The following FMNL3 variants were observed in gnomAD, a reference collection of about 807,000 sequenced individuals.
FMNL3 encodes the protein formin-like protein 3.
In FMNL3, 57 loss-of-function variants were observed where a neutral mutation model predicts 119.6. The observed-to-expected ratio is 0.48, with a 90% CI of 0.39 to 0.59. The LOEUF is 0.59. Among genes scored for constraint, FMNL3 ranks in the 20% least tolerant of loss-of-function variants. The pLI is 0.00. For missense variants in FMNL3, 1,053 were observed against 1,323.5 expected (o/e 0.80, Z 3.17); for synonymous variants, 491 against 507.3 (o/e 0.97, Z 0.43).
Position 49,643,560 on chromosome 12 carries a change from AG to A in FMNL3, c.*2254del. 1 of 1,362,542 alleles carries A rather than the reference AG, an allele frequency of 7.3e-7. No homozygotes were observed. The highest frequency in any genetic ancestry group is 9.9e-7 in the Non-Finnish European group (1 of 1,008,560). 84.4% of individuals were successfully genotyped at this position (1,362,542 alleles called of 1,614,324 possible). On this transcript the variant is annotated 3_prime_UTR_variant, in exon 26 of 26. Transcript: ENST00000335154. ...ACCTGCCCAAGCAAGAAGCTGGAGA[AG>A]GAAAACTGGACTTAGACTTCCTCAG...
At chr12:49,704,710 C>CAAAAAAAAAAAAAAAAA (rs59799899) in intron 1 of FMNL3, among the ~76,000 whole-genome samples, 3 of 37,848 alleles carry the variant, frequency 7.9e-5, no homozygotes, top group Non-Finnish European at 1.5e-4. Context: ...AACTCCATCT[C>CAAAAAAAAAAAAAAAAA]AAAAAAAAAA....
In FMNL3 at chr12:49,643,600, T is replaced by C. The variant is rs1942957866; in HGVS notation, c.*2215A>G. 1 of 1,446,860 alleles carries C rather than the reference T, an allele frequency of 6.9e-7. No homozygotes were observed. Among genetic ancestry groups the C allele is most frequent in the Non-Finnish European group, 9.4e-7 (1 of 1,065,728 alleles). The allele number at this position is 1,446,860 out of a possible 1,614,324, so 89.6% of individuals were successfully genotyped here. On this transcript the variant is annotated 3_prime_UTR_variant, in exon 26 of 26. Transcript: ENST00000335154. ...AGACTTCCTCAGAGCATGAGGTTCCTGCCTGTGAAGAATGAACAGAGGGGC... is the reference window on the plus strand; with the variant it reads ...AGACTTCCTCAGAGCATGAGGTTCCCGCCTGTGAAGAATGAACAGAGGGGC...
At chr12:49,671,300 A>G (rs139935828) in intron 1 of FMNL3, among the ~76,000 whole-genome samples, 107 of 152,392 alleles carry the variant, frequency 7.0e-4, no homozygotes, top group Non-Finnish European at 1.1e-3. Flanking sequence ...GATCCCCAGG[A>G]AGGAATGATC....
intron 1 of FMNL3, 38 bp downstream of exon 1, chr12:49,707,017 G>A: frequency 6.4e-7 from 1 of 1,552,740 alleles, no homozygotes; most frequent in Non-Finnish European, 8.7e-7. Context: ...GGACCTGAGG[G>A]GCGGTACGCG....
At chr12:49,686,626 C>A (rs1944470780) in intron 1 of FMNL3, among the ~76,000 whole-genome samples, 1 of 149,952 alleles carries the variant, frequency 6.7e-6, no homozygotes, top group South Asian at 2.1e-4. Flanking sequence ...ATGTCAGTCA[C>A]TGAGCCCCAA....
chr12:49,704,710 C>CAAAA (rs59799899), intron 1 of FMNL3, among the ~76,000 whole-genome samples: 2 of 37,778 alleles, frequency 5.3e-5, no homozygotes, highest in Non-Finnish European at 1.5e-4. Flanking sequence ...AACTCCATCT[C>CAAAA]AAAAAAAAAA....
Position 49,647,292 on chromosome 12 carries a change from T to C in FMNL3, c.2855A>G (p.Lys952Arg), listed in dbSNP as rs750236983. The change falls in exon 24 of 26, where the codon AAG becomes AGG. Residue 952 changes from lysine (K) to arginine (R), a missense_variant. Around this residue, in one of 4 missense-constraint regions of FMNL3, gnomAD observed 324 missense variants for 380.9 expected, o/e 0.85. Transcript: ENST00000335154. This position sits in a 1 kb window ranked among gnomAD's most constrained non-coding sequence, Gnocchi z 4.9. The stretch of plus-strand genomic sequence containing the variant: ...CCCACCCACCTTGGCATCCAGTTTC[T>C]TGGCTTCCTGAGCCAGCTGCTTCTC... The part of the protein sequence containing the change: ...MREKQLAQEA[K>R]KLDAKTPSQR... 13 of 1,613,954 alleles carry C rather than the reference T, an allele frequency of 8.1e-6. No individual in the cohort carries two copies. Among genetic ancestry groups the C allele is most frequent in the South Asian group, 2.2e-5 (2 of 91,086 alleles).
At position 49,640,209 on chromosome 12, in the gene FMNL3, C is replaced by G. The variant is rs143202963; in HGVS notation, c.*5606G>C. On this transcript the variant is annotated 3_prime_UTR_variant, in exon 26 of 26. Transcript: ENST00000335154. The stretch of plus-strand genomic sequence containing the variant: ...TGGACTTAGAACAGGCAGACAGATC[C>G]GGGTCAGGGAGATCCATGGAGGATG... 1.3e-5 allele frequency: 2 copies of G among 152,128 alleles called. No homozygotes were observed. The highest frequency in any genetic ancestry group is 4.2e-4 in the South Asian group (2 of 4,818). The allele number at this position is 152,128 out of a possible 1,614,324, so 9.4% of individuals were successfully genotyped here.
intron 1 of FMNL3, among the ~76,000 whole-genome samples, chr12:49,705,101 A>G (rs944339899): frequency 6.6e-6 from 1 of 152,182 alleles, no homozygotes; most frequent in African/African-American, 2.4e-5. Flanking sequence ...ATTTCCCTGT[A>G]TTGGAAAACT....
At chr12:49,665,755 C>T (rs1943873166) in intron 4 of FMNL3, 77 bp downstream of exon 4, 2 of 1,443,608 alleles carry the variant, frequency 1.4e-6, no homozygotes, top group Non-Finnish European at 9.8e-7. Flanking sequence ...ACACCATCCT[C>T]AGAGGACACC....
rs1478535631 is a variant in FMNL3, at chr12:49,649,444, C to A, written c.2304+26G>T. On this transcript the variant is annotated intron_variant, in intron 19 of 25. Transcript: ENST00000335154. This position sits in a 1 kb window ranked among gnomAD's most constrained non-coding sequence, Gnocchi z 5.6. ...CCACCTAGGACCTGAAAACCCCCAGCACCCCTGTTCACAACCTCTTCCCAC... is the reference window on the plus strand; with the variant it reads ...CCACCTAGGACCTGAAAACCCCCAGAACCCCTGTTCACAACCTCTTCCCAC... The A allele has an allele frequency of 1.2e-6, 2 of 1,613,858 alleles. No individual in the cohort carries two copies. The highest frequency in any genetic ancestry group is 1.3e-5 in the African/African-American group (1 of 74,936).
chr12:49,664,518 T>A (rs1943832411), intron 4 of FMNL3, among the ~76,000 whole-genome samples: 1 of 152,136 alleles, frequency 6.6e-6, no homozygotes, highest in Non-Finnish European at 1.5e-5. Flanking sequence ...AGGGTTGCCA[T>A]CGGTGTCCTT....
At chr12:49,672,263 C>T (rs756162710) in intron 1 of FMNL3, among the ~76,000 whole-genome samples, 3 of 151,836 alleles carry the variant, frequency 2.0e-5, no homozygotes, top group African/African-American at 4.8e-5. Context: ...TAAGACTAGG[C>T]GCCAATTTTG....
Position 49,656,497 on chromosome 12 carries a change from C to A in FMNL3, c.792G>T (p.Arg264Ser). The A allele has an allele frequency of 1.2e-5, 19 of 1,613,230 alleles. No homozygotes were observed. Among genetic ancestry groups the A allele is most frequent in the Non-Finnish European group, 1.6e-5 (19 of 1,179,650 alleles). ...IALSLNNKNP[R>S]TKALVLELLA... ...GAAGCTCTAAGACAAGGGCTTTGGTCCTAAGGGGTGAAGAAGGAAGATTAA... is the reference window on the plus strand; with the variant it reads ...GAAGCTCTAAGACAAGGGCTTTGGTACTAAGGGGTGAAGAAGGAAGATTAA... The change falls in exon 9 of 26, where the codon AGG (arginine) becomes AGT (serine). Residue 264 changes from arginine to serine, a missense_variant and splice_region_variant. By Grantham distance (110) the Arg-to-Ser change is moderately radical. Around this residue, in one of 4 missense-constraint regions of FMNL3, gnomAD observed 445 missense variants for 628.4 expected, o/e 0.71. Transcript: ENST00000335154.
chr12:49,656,707 A>G lies in FMNL3; in HGVS notation c.791+116T>C. 3 of 1,100,682 alleles carry G rather than the reference A, an allele frequency of 2.7e-6. No individual in the cohort carries two copies. The East Asian group carries it at 7.1e-5, about 26-fold the overall frequency. 68.2% of individuals were successfully genotyped at this position (1,100,682 alleles called of 1,614,324 possible). On this transcript the variant is annotated intron_variant, in intron 8 of 25. Coordinates refer to ENST00000335154, the MANE Select transcript of FMNL3 (RefSeq NM_175736.5). ...TTCTCTTCCAGCAGAGGAGGGGGCC[A>G]AACCAAGGCTCTTGACAGGACTCCA...
Position 49,646,769 on chromosome 12 carries a change from G to A in FMNL3, c.2995+117C>T, listed in dbSNP as rs754414046. 3 of 1,603,780 alleles carry A rather than the reference G, an allele frequency of 1.9e-6. No homozygotes were observed. The Admixed American group carries it at 5.1e-5, about 27-fold the overall frequency. ...CTCTTCAGCACTGTGGCCCAGGAGA[G>A]AGACACAGTGGTCAGGCCTCATGGG... is the stretch of plus-strand genomic sequence containing the variant. On this transcript the variant is annotated intron_variant, in intron 25 of 25. Coordinates refer to ENST00000335154, the MANE Select transcript of FMNL3 (RefSeq NM_175736.5).
chr12:49,680,767 T>C (rs1050881257), intron 1 of FMNL3, among the ~76,000 whole-genome samples: 1 of 152,222 alleles, frequency 6.6e-6, no homozygotes, highest in African/African-American at 2.4e-5. Flanking sequence ...TACTCATCTT[T>C]TATATGCCAG....
At chr12:49,674,090 G>A (rs116080564) in intron 1 of FMNL3, among the ~76,000 whole-genome samples, 166 of 152,274 alleles carry the variant, frequency 1.1e-3, no homozygotes, top group African/African-American at 3.8e-3. Flanking sequence ...ACAGACCAAG[G>A]CCAAGCCTGG....
At chr12:49,672,179 T>C (rs1010246988) in intron 1 of FMNL3, among the ~76,000 whole-genome samples, 10 of 152,120 alleles carry the variant, frequency 6.6e-5, no homozygotes, top group African/African-American at 1.9e-4. Context: ...CATCCCACCT[T>C]CAGCAATTGC....
Sources: gnomAD v4.1 joint callset for allele counts (sites outside exome capture counted in the v4.1 genomes callset) on GRCh38, gnomAD v4.1.1 for gene constraint, gnomAD v4.1.1 regional missense constraint, Gnocchi (gnomAD v3.1) non-coding constraint, MANE v1.5 for transcripts, NCBI Gene and HGNC (gene_info 2026-07-23, HGNC 2026-07-21) for gene names.